Variants in KCNN2 observed in about 807,000 individuals in gnomAD.
KCNN2 encodes small conductance calcium-activated potassium channel protein 2.
In KCNN2, 24 loss-of-function variants were observed where a neutral mutation model predicts 55.5. The ratio of observed to expected loss-of-function variants is 0.43; its 90% CI spans 0.31 to 0.61. The LOEUF (loss-of-function observed/expected upper bound fraction) is 0.61, where lower values mean the gene tolerates loss of function less well. Among genes scored for constraint, KCNN2 ranks in the 20% least tolerant of loss-of-function variants. The pLI is 0.08. For missense variants in KCNN2, 754 were observed against 853.6 expected (o/e 0.88, Z 1.45); for synonymous variants, 431 against 336.1 (o/e 1.28, Z -3.09).
At chr5:114,376,442 G>T (rs1400424880) in intron 2 of KCNN2, among the ~76,000 whole-genome samples, 1 of 152,160 alleles carries the variant, frequency 6.6e-6, no homozygotes, top group Non-Finnish European at 1.5e-5. Context: ...GTGATGGAGG[G>T]TGAGCAGAAG....
intron 2 of KCNN2, among the ~76,000 whole-genome samples, chr5:114,229,142 C>G (rs1233500972): frequency 6.6e-6 from 1 of 151,776 alleles, no homozygotes. Flanking sequence ...GAACTTTAGG[C>G]AAAGATATTT....
intron 3 of KCNN2, among the ~76,000 whole-genome samples, chr5:114,420,845 G>T (rs1167615424): frequency 1.3e-5 from 2 of 152,208 alleles, no homozygotes; most frequent in South Asian, 2.1e-4. Flanking sequence ...CAGACAGGCT[G>T]TAGGTCTGGC....
At chr5:114,421,244 T>A (rs533246701) in intron 3 of KCNN2, among the ~76,000 whole-genome samples, 2 of 149,806 alleles carry the variant, frequency 1.3e-5, no homozygotes, top group East Asian at 3.9e-4. Context: ...AAAGCCAACA[T>A]GTTGGTTAGG....
At chr5:114,466,571 TGGGTAA>T (rs1761463890) in intron 4 of KCNN2, among the ~76,000 whole-genome samples, 1 of 152,102 alleles carries the variant, frequency 6.6e-6, no homozygotes, top group African/African-American at 2.4e-5. Flanking sequence ...AATAGCCTTG[TGGGTAA>T]GGGTATCTTT....
At chr5:114,144,149 A>G (rs948580364) in intron 1 of KCNN2, among the ~76,000 whole-genome samples, 5 of 152,194 alleles carry the variant, frequency 3.3e-5, no homozygotes, top group African/African-American at 9.6e-5. Flanking sequence ...TTCCTTGTCA[A>G]TGGCGTTTTA....
intron 3 of KCNN2, among the ~76,000 whole-genome samples, chr5:114,437,730 TG>T (rs1760057887): frequency 6.6e-6 from 1 of 152,168 alleles, no homozygotes; most frequent in African/African-American, 2.4e-5. Flanking sequence ...TAGGACTCTC[TG>T]GTGTAAAAGG....
chr5:114,336,287 A>C (rs939602772), intron 2 of KCNN2, among the ~76,000 whole-genome samples: 1 of 152,212 alleles, frequency 6.6e-6, no homozygotes, highest in African/African-American at 2.4e-5. Flanking sequence ...AAATTATTAT[A>C]AACATATGTA....
intron 1 of KCNN2, among the ~76,000 whole-genome samples, chr5:114,203,809 A>G (rs1458898031): frequency 6.6e-6 from 1 of 152,146 alleles, no homozygotes; most frequent in Non-Finnish European, 1.5e-5. Flanking sequence ...TCTGTACCTC[A>G]CCACACCCTA....
At chr5:114,060,575 T>A (rs1381607378) in intron 1 of KCNN2, among the ~76,000 whole-genome samples, 2 of 152,228 alleles carry the variant, frequency 1.3e-5, no homozygotes, top group Non-Finnish European at 2.9e-5. Context: ...CTCCCTTTCC[T>A]CAGACAGCTG....
chr5:114,395,217 C>T (rs1257749494), intron 2 of KCNN2, among the ~76,000 whole-genome samples: 2 of 152,200 alleles, frequency 1.3e-5, no homozygotes, highest in Non-Finnish European at 2.9e-5. Flanking sequence ...TCCTGCTAAA[C>T]TCCAGCCCCT....
At chr5:114,209,551 A>C (rs1469603387) in intron 1 of KCNN2, among the ~76,000 whole-genome samples, 1 of 152,096 alleles carries the variant, frequency 6.6e-6, no homozygotes, top group Non-Finnish European at 1.5e-5. Context: ...TCAACAGGAC[A>C]CATGTAATTA....
intron 1 of KCNN2, among the ~76,000 whole-genome samples, chr5:114,158,611 G>C (rs1294790608): frequency 2.0e-5 from 3 of 150,028 alleles, no homozygotes; most frequent in Non-Finnish European, 4.5e-5. Context: ...CCATTTTCAT[G>C]ATATTGATTC....
intron 2 of KCNN2, among the ~76,000 whole-genome samples, chr5:114,276,084 G>A (rs1243260066): frequency 6.6e-6 from 1 of 152,056 alleles, no homozygotes; most frequent in Non-Finnish European, 1.5e-5. Flanking sequence ...ATTTCGTTAT[G>A]TATCCAGTAG....
At chr5:114,387,748 TC>T (rs1033241695) in intron 2 of KCNN2, among the ~76,000 whole-genome samples, 5 of 152,144 alleles carry the variant, frequency 3.3e-5, no homozygotes, top group African/African-American at 1.2e-4. Flanking sequence ...TCTATCTACA[TC>T]CTGTAGCTCT....
rs75112560 is a variant in KCNN2 at position 114,322,958 on chromosome 5, C to G, written c.-184-37987C>G. ...TATCTTTTCTGCTCCTGTCCTCTTC[C>G]CACTCTCCCCGTCAAGTAGACTCCA... On this transcript the variant is annotated intron_variant, in intron 2 of 10. Transcript: ENST00000512097. Among the ~76,000 whole-genome samples the G allele has an allele frequency of 2.5e-3, 386 of 152,226 alleles. 4 individuals carry two copies. The highest frequency in any genetic ancestry group is 9.0e-3 in the African/African-American group (372 of 41,526).
At chr5:114,416,330 C>G (rs1759303531) in intron 3 of KCNN2, among the ~76,000 whole-genome samples, 1 of 152,022 alleles carries the variant, frequency 6.6e-6, no homozygotes, top group Non-Finnish European at 1.5e-5. Flanking sequence ...CAAAAGCAAA[C>G]ATTTGCAATG....
intron 3 of KCNN2, among the ~76,000 whole-genome samples, chr5:114,435,902 G>A (rs888374198): frequency 7.9e-5 from 12 of 152,200 alleles, no homozygotes; most frequent in African/African-American, 2.7e-4. Flanking sequence ...AAGTTAATGA[G>A]CATTTGGACT....
chr5:114,363,949 C>T lies in KCNN2; in HGVS notation c.1166C>T (p.Ser389Phe). 1 of 1,614,068 alleles carries T rather than the reference C, an allele frequency of 6.2e-7. No homozygotes were observed. Among genetic ancestry groups the T allele is most frequent in the Non-Finnish European group, 8.5e-7 (1 of 1,179,954 alleles). The stretch of plus-strand genomic sequence containing the variant: ...GCTCTGAAATGCCTTATCAGTCTCT[C>T]CACGATCATCCTGCTCGGTCTGATC... The part of the protein sequence containing the change: ...SLALKCLISL[S>F]TIILLGLIIV... Residue 389 changes from serine (S) to phenylalanine (F), a missense_variant, in exon 2 of 8, where the codon TCC becomes TTC. Around this residue, in one of 4 missense-constraint regions of KCNN2, gnomAD observed 123 missense variants for 204.9 expected, o/e 0.60. Transcript: ENST00000673685.
intron 1 of KCNN2, among the ~76,000 whole-genome samples, chr5:114,103,052 A>G (rs1225329687): frequency 2.0e-5 from 3 of 152,140 alleles, no homozygotes; most frequent in African/African-American, 4.8e-5. Context: ...CACGATATTG[A>G]TTCTTTCTAT....
Sources: gnomAD v4.1 joint callset for allele counts (sites outside exome capture counted in the v4.1 genomes callset) on GRCh38, gnomAD v4.1.1 for gene constraint, gnomAD v4.1.1 regional missense constraint, MANE v1.5 for transcripts, NCBI Gene and HGNC (gene_info 2026-07-23, HGNC 2026-07-21) for gene names.